The following ZNF407 variants were observed in gnomAD, a reference collection of about 807,000 sequenced individuals.
ZNF407 encodes zinc finger protein 407.
In ZNF407, 17 loss-of-function variants were observed where a neutral mutation model predicts 131.2. That is an observed-to-expected ratio of 0.13 (90% CI 0.09 to 0.19). ZNF407 has a LOEUF of 0.19. ZNF407 is among the 10% of genes least tolerant of loss of function. ZNF407 has a pLI of 1.00. For synonymous variants in ZNF407, 1,156 were observed against 1,062.0 expected, an observed-to-expected ratio of 1.09 and a Z score of -1.72; for missense variants, 2,681 against 2,830.6, an observed-to-expected ratio of 0.95 and a Z score of 1.20.
rs1255430152 is a variant in ZNF407 at position 74,703,514 on chromosome 18, A to T, written c.4802+62392A>T. 6.6e-6 allele frequency among the ~76,000 whole-genome samples: 1 copy of T among 152,032 alleles called. No homozygotes were observed. Among genetic ancestry groups the T allele is most frequent in the African/African-American group, 2.4e-5 (1 of 41,398 alleles). ...CCAGAGTAGCTGGGATTACAGGTATACACCACCACACCCAGCTAATTTTGT... is the reference window on the plus strand; with the variant it reads ...CCAGAGTAGCTGGGATTACAGGTATTCACCACCACACCCAGCTAATTTTGT... On this transcript the variant is annotated intron_variant, in intron 3 of 8. Coordinates refer to ENST00000299687, the MANE Select transcript of ZNF407 (RefSeq NM_017757.3). This position sits in a 1 kb window ranked among gnomAD's most constrained non-coding sequence, Gnocchi z 4.1.
intron 1 of ZNF407, among the ~76,000 whole-genome samples, chr18:74,623,248 G>C (rs948547511): frequency 4.0e-5 from 6 of 151,714 alleles, no homozygotes; most frequent in African/African-American, 1.5e-4. Context: ...TAGTGTGTGT[G>C]CATGTGAGTG....
intron 3 of ZNF407, among the ~76,000 whole-genome samples, chr18:74,668,502 G>A (rs951948829): frequency 6.6e-6 from 1 of 152,188 alleles, no homozygotes; most frequent in African/African-American, 2.4e-5. Context: ...GTATAACCCA[G>A]TGTTCAGAGT....
chr18:74,756,714 T>A (rs776698143), intron 3 of ZNF407, among the ~76,000 whole-genome samples: 2 of 146,322 alleles, frequency 1.4e-5, no homozygotes, highest in Non-Finnish European at 3.0e-5. Flanking sequence ...GTGTACAAGA[T>A]CCTGTCATCT....
At chr18:74,829,491 C>T (rs539290669) in intron 4 of ZNF407, among the ~76,000 whole-genome samples, 1 of 152,108 alleles carries the variant, frequency 6.6e-6, no homozygotes, top group Admixed American at 6.5e-5. Context: ...AGAAAGCTGG[C>T]AGAGACTTTC....
chr18:74,743,040 G>A (rs1022601839), intron 3 of ZNF407, among the ~76,000 whole-genome samples: 3 of 152,112 alleles, frequency 2.0e-5, no homozygotes, highest in African/African-American at 7.2e-5. Flanking sequence ...GAACTTGACG[G>A]CTGAATAATG....
chr18:74,801,975 T>G (rs1415104045), intron 4 of ZNF407, among the ~76,000 whole-genome samples: 1 of 152,162 alleles, frequency 6.6e-6, no homozygotes, highest in Non-Finnish European at 1.5e-5. Context: ...TCCTTTTCAT[T>G]TTTGTCAGAA....
At chr18:74,771,861 TAAAAA>T (rs758973791) in intron 3 of ZNF407, among the ~76,000 whole-genome samples, 1 of 151,466 alleles carries the variant, frequency 6.6e-6, no homozygotes, top group African/African-American at 2.4e-5. Context: ...CAGCAAATCT[TAAAAA>T]AAAATCTCTA....
intron 4 of ZNF407, among the ~76,000 whole-genome samples, chr18:74,852,193 ACACACGCACGCACGCACG>A (rs1180672582): frequency 1.5e-5 from 1 of 67,898 alleles, no homozygotes; most frequent in Non-Finnish European, 3.4e-5. Flanking sequence ...ACACACACAC[ACACACGCACGCACGCACG>A]CGCACGCGCG....
At chr18:74,611,440 A>G (rs1324473868) in intron 1 of ZNF407, among the ~76,000 whole-genome samples, 1 of 152,214 alleles carries the variant, frequency 6.6e-6, no homozygotes, top group African/African-American at 2.4e-5. Context: ...AACAACAGAA[A>G]AGGGGACAAA....
chr18:75,054,006 G>A lies in ZNF407; in HGVS notation c.5429-9144G>A, dbSNP rs181690744. ...ATTTCCTGGACTCAGGGATTTCTGC[G>A]GGTTTGGATCTCCTGCCTCAAAGAG... is the stretch of plus-strand genomic sequence containing the variant. On this transcript the variant is annotated intron_variant, in intron 8 of 8. Coordinates refer to ENST00000299687, the MANE Select transcript of ZNF407 (RefSeq NM_017757.3). Among the ~76,000 whole-genome samples, 176 of 152,322 alleles carry A rather than the reference G, an allele frequency of 1.2e-3. 1 individual carries two copies. The highest frequency in any genetic ancestry group is 1.9e-3 in the African/African-American group (80 of 41,568).
At chr18:74,977,802 G>T (rs1412195059) in intron 8 of ZNF407, among the ~76,000 whole-genome samples, 2 of 152,306 alleles carry the variant, frequency 1.3e-5, no homozygotes, top group East Asian at 3.9e-4. Context: ...AGTTTCATTG[G>T]CATTTGCCGA....
chr18:74,772,061 A>C (rs1394154839), intron 3 of ZNF407, among the ~76,000 whole-genome samples: 2 of 152,186 alleles, frequency 1.3e-5, no homozygotes, highest in African/African-American at 2.4e-5. Flanking sequence ...AGACTTCTGT[A>C]TAAAGGTCAC....
chr18:74,799,446 A>T (rs1039415820), intron 4 of ZNF407, among the ~76,000 whole-genome samples: 7 of 152,080 alleles, frequency 4.6e-5, no homozygotes, highest in African/African-American at 1.7e-4. Context: ...AAATTTTAAA[A>T]TTTTTGTTTC....
chr18:74,984,763 C>T (rs916581781), intron 8 of ZNF407, among the ~76,000 whole-genome samples: 4 of 152,206 alleles, frequency 2.6e-5, no homozygotes, highest in Admixed American at 1.3e-4. Flanking sequence ...CAAAGACGAT[C>T]CACTCTGCCA....
chr18:74,653,148 T>C (rs909110581), intron 3 of ZNF407, among the ~76,000 whole-genome samples: 4 of 151,960 alleles, frequency 2.6e-5, no homozygotes, highest in African/African-American at 7.2e-5. Flanking sequence ...GCCATAGATG[T>C]CTGTGGTAAG....
chr18:74,658,972 A>G (rs182675397), intron 3 of ZNF407, among the ~76,000 whole-genome samples: 235 of 152,272 alleles, frequency 1.5e-3, no homozygotes, highest in African/African-American at 5.3e-3. Context: ...AATCTATTGT[A>G]TACACATGGT....
chr18:74,910,370 TTTTATAG>T (rs1322954132), intron 7 of ZNF407, among the ~76,000 whole-genome samples: 3 of 152,116 alleles, frequency 2.0e-5, no homozygotes, highest in Non-Finnish European at 2.9e-5. Flanking sequence ...CTTGCTTATA[TTTTATAG>T]ATTCAGGTGG....
intron 3 of ZNF407, among the ~76,000 whole-genome samples, chr18:74,719,069 A>G (rs1359709010): frequency 6.6e-6 from 1 of 152,182 alleles, no homozygotes; most frequent in Non-Finnish European, 1.5e-5. Flanking sequence ...TGACATATTA[A>G]TTGTACATAT....
chr18:74,778,099 A>T (rs1216734741), intron 3 of ZNF407, among the ~76,000 whole-genome samples: 1 of 152,180 alleles, frequency 6.6e-6, no homozygotes, highest in Non-Finnish European at 1.5e-5. Flanking sequence ...GATGCCTGAG[A>T]TGGCTTTTCT....
Sources: gnomAD v4.1 joint callset for allele counts (sites outside exome capture counted in the v4.1 genomes callset) on GRCh38, gnomAD v4.1.1 for gene constraint, Gnocchi (gnomAD v3.1) non-coding constraint, MANE v1.5 for transcripts, NCBI Gene and HGNC (gene_info 2026-07-23, HGNC 2026-07-21) for gene names.